Variants in CKMT1B observed in about 807,000 individuals in gnomAD.
CKMT1B encodes the protein creatine kinase, mitochondrial 1B, also known as creatine kinase U-type, mitochondrial.
Under a neutral mutation model 21.8 loss-of-function variants are expected in CKMT1B, and 13 were observed. The ratio of observed to expected loss-of-function variants is 0.60; its 90% CI spans 0.39 to 0.95. The LOEUF (loss-of-function observed/expected upper bound fraction) is 0.95, where lower values mean the gene tolerates loss of function less well. CKMT1B is among the 40% of genes least tolerant of loss of function. The pLI is 0.00. For missense variants in CKMT1B, 157 were observed against 227.5 expected (o/e 0.69, Z 1.99); for synonymous variants, 50 against 80.3 (o/e 0.62, Z 2.02).
chr15:43,599,198 G>C lies in CKMT1B; in HGVS notation c.1179G>C (p.Leu393Phe), dbSNP rs777091706. Residue 393 changes from leucine (L) to phenylalanine (F), a missense_variant, in exon 9 of 9, where the codon TTG (leucine) becomes TTC (phenylalanine). Leu to Phe is a conservative substitution (Grantham distance 22). Transcript: ENST00000441322. Reference protein sequence around the residue: ...VQLVIDGVNYLIDCERRLERG... With the variant: ...VQLVIDGVNYFIDCERRLERG... The stretch of plus-strand genomic sequence containing the variant: ...TGGTCATCGATGGAGTAAACTATTT[G>C]ATTGATTGTGAACGGCGTCTGGAGA... The C allele has an allele frequency of 3.7e-6, 6 of 1,613,650 alleles. No individual in the cohort carries two copies. In the Admixed American group the frequency reaches 8.3e-5, roughly 22 times the overall value.
In CKMT1B at chr15:43,599,380, C is replaced by G. The variant is rs1475790660; in HGVS notation, c.*107C>G. The stretch of plus-strand genomic sequence containing the variant: ...TGCCCCCGCATCCCCTGCCTCCATC[C>G]TAGTAAAGACTCCTTGCTATGCTGC... On this transcript the variant is annotated 3_prime_UTR_variant, in exon 9 of 9. Transcript: ENST00000441322. 62 of 1,554,814 alleles carry G rather than the reference C, an allele frequency of 4.0e-5. 1 individual carries two copies. Among genetic ancestry groups the G allele is most frequent in the Non-Finnish European group, 4.9e-5 (56 of 1,138,802 alleles).
intron 6 of CKMT1B, 128 bp downstream of exon 6, chr15:43,596,659 C>T (rs1368101743): frequency 4.1e-6 from 6 of 1,457,670 alleles, no homozygotes; most frequent in African/African-American, 1.5e-5. Flanking sequence ...CTATCTAGGA[C>T]TCACTCCAGG....
At chr15:43,596,706 A>G in intron 6 of CKMT1B, 175 bp downstream of exon 6, 1 of 960,652 alleles carries the variant, frequency 1.0e-6, no homozygotes, top group East Asian at 2.8e-5. Context: ...ATACTGGGAA[A>G]ACCAGGACAT....
chr15:43,597,845 T>A, intron 6 of CKMT1B: 1 of 1,170,678 alleles, frequency 8.5e-7, no homozygotes. Flanking sequence ...AAAGCAAAGA[T>A]AATCGATGCA....
chr15:43,599,177 C>G lies in CKMT1B; in HGVS notation c.1158C>G (p.Val386=), dbSNP rs745349899. ...GKSEVELVQL[V]IDGVNYLIDC... Reference sequence around the variant, plus strand: ...CTTAGGTGGAGCTGGTGCAACTGGTCATCGATGGAGTAAACTATTTGATTG... The same window carrying G: ...CTTAGGTGGAGCTGGTGCAACTGGTGATCGATGGAGTAAACTATTTGATTG... The change falls in exon 9 of 9, where the codon GTC becomes GTG. Residue 386 remains valine (V), a synonymous_variant. Coordinates refer to ENST00000441322, the MANE Select transcript of CKMT1B (RefSeq NM_001375484.1). 1 of 1,613,564 alleles carries G rather than the reference C, an allele frequency of 6.2e-7. No homozygotes were observed. Among genetic ancestry groups the G allele is most frequent in the East Asian group, 2.2e-5 (1 of 44,874 alleles).
intron 8 of CKMT1B, 98 bp downstream of exon 8, chr15:43,599,050 G>T: frequency 6.3e-7 from 1 of 1,587,928 alleles, no homozygotes; most frequent in Non-Finnish European, 8.6e-7. Context: ...AATCTGAAAT[G>T]AAATTCAGGT....
rs113292887 is a variant in CKMT1B, at chr15:43,596,679, G to A, written c.876+148G>A. On this transcript the variant is annotated intron_variant, in intron 6 of 8. Transcript: ENST00000441322. ...TAGGACTCACTCCAGGACTAAAGGT[G>A]TAAACCAGCTGGGACCATACTGGGA... 6.8e-4 allele frequency: 865 copies of A among 1,273,886 alleles called. 70 individuals carry two copies. In the African/African-American group the frequency reaches 9.9e-3, roughly 15 times the overall value. The allele number at this position is 1,273,886 out of a possible 1,614,324, so 78.9% of individuals were successfully genotyped here.
At chr15:43,597,881 A>T in intron 6 of CKMT1B, 2 of 1,273,738 alleles carry the variant, frequency 1.6e-6, no homozygotes, top group African/African-American at 1.6e-5. Flanking sequence ...ATAATCAGTC[A>T]TCTCTCAGTT....
rs376921959 is a variant in CKMT1B at position 43,598,289 on chromosome 15, C to T, written c.973C>T (p.Arg325Trp). The change falls in exon 7 of 9, where the codon CGG (arginine) becomes TGG (tryptophan). Residue 325 changes from arginine (R) to tryptophan (W), a missense_variant. Transcript: ENST00000441322. ...TCCATCTAACCTGGGCACTGGACTT[C>T]GGGCAGGAGTGCACATCAAACTGCC... is the stretch of plus-strand genomic sequence containing the variant. ...TCPSNLGTGL[R>W]AGVHIKLPLL... 11 of 1,607,018 alleles carry T rather than the reference C, an allele frequency of 6.8e-6. No individual in the cohort carries two copies. The East Asian group carries it at 9.2e-5, about 13-fold the overall frequency.
Position 43,596,084 on chromosome 15 carries a change from G to A in CKMT1B, c.666+7G>A. The stretch of plus-strand genomic sequence containing the variant: ...ACAGCAGCAGCTTATTGATGTGAGG[G>A]CCTTAAGAGGGTGCTGGTTGGTGGG... On this transcript the variant is annotated splice_region_variant and intron_variant, in intron 4 of 8. Transcript: ENST00000441322. 1 of 268,600 alleles carries A rather than the reference G, an allele frequency of 3.7e-6. No individual in the cohort carries two copies. The highest frequency in any genetic ancestry group is 6.3e-6 in the Non-Finnish European group (1 of 158,886). 16.6% of individuals were successfully genotyped at this position (268,600 alleles called of 1,614,324 possible).
chr15:43,596,700 TG>T, intron 6 of CKMT1B, 169 bp downstream of exon 6: 1 of 1,036,588 alleles, frequency 9.6e-7, no homozygotes, highest in South Asian at 1.7e-5. Context: ...GGGACCATAC[TG>T]GGAAAACCAG....
At position 43,596,304 on chromosome 15, in the gene CKMT1B, C is replaced by T. The variant is rs759618789; in HGVS notation, c.752+12C>T. On this transcript the variant is annotated intron_variant, in intron 5 of 8. Transcript: ENST00000441322. ...GCTCGTGGAATTTGGTATGAAGCTG[C>T]TCATTACCTCTTTTGTCTTCATGCC... The T allele has an allele frequency of 8.4e-5, 78 of 927,442 alleles. No individual in the cohort carries two copies. Among genetic ancestry groups the T allele is most frequent in the Non-Finnish European group, 1.1e-4 (73 of 640,466 alleles). The allele number at this position is 927,442 out of a possible 1,614,324, so 57.5% of individuals were successfully genotyped here.
In CKMT1B at chr15:43,596,278, T is replaced by C; in HGVS notation, c.738T>C (p.Asp246=). The C allele has an allele frequency of 1.4e-6, 1 of 723,460 alleles. No homozygotes were observed. The highest frequency in any genetic ancestry group is 2.1e-6 in the Non-Finnish European group (1 of 475,194). The allele number at this position is 723,460 out of a possible 1,614,324, so 44.8% of individuals were successfully genotyped here. A position where few individuals can be genotyped will look rare whatever the true frequency, so the allele number is the denominator to read the frequency against. The change falls in exon 5 of 9, where the codon GAT becomes GAC. Residue 246 remains aspartate (D), a synonymous_variant. Transcript: ENST00000441322. ...CAGGAATGGCTCGAGACTGGCCAGATGCTCGTGGAATTTGGTATGAAGCTG... is the reference window on the plus strand; with the variant it reads ...CAGGAATGGCTCGAGACTGGCCAGACGCTCGTGGAATTTGGTATGAAGCTG... ...TAAGMARDWP[D]ARGIWHNNEK...
At chr15:43,597,547 C>T in intron 6 of CKMT1B, 1 of 1,130,600 alleles carries the variant, frequency 8.8e-7, no homozygotes, top group Non-Finnish European at 1.1e-6. Flanking sequence ...AAAGAGGATC[C>T]CTTTACTCAT....
Position 43,597,535 on chromosome 15 carries a change from A to T in CKMT1B, c.877-658A>T, listed in dbSNP as rs763906396. On this transcript the variant is annotated intron_variant, in intron 6 of 8. Coordinates refer to ENST00000441322, the MANE Select transcript of CKMT1B (RefSeq NM_001375484.1). ...CCTATGGCATGGTTCCTTCTGAACTATAAAGAGGATCCCTTTACTCATGTT... is the reference window on the plus strand; with the variant it reads ...CCTATGGCATGGTTCCTTCTGAACTTTAAAGAGGATCCCTTTACTCATGTT... 8.0e-5 allele frequency: 94 copies of T among 1,171,764 alleles called. 1 individual carries two copies. Among genetic ancestry groups the T allele is most frequent in the Non-Finnish European group, 6.4e-5 (58 of 912,590 alleles). The allele number at this position is 1,171,764 out of a possible 1,614,324, so 72.6% of individuals were successfully genotyped here. A position where few individuals can be genotyped will look rare whatever the true frequency, so the allele number is the denominator to read the frequency against.
In CKMT1B at chr15:43,598,219, C is replaced by G. The variant is rs1316722166; in HGVS notation, c.903C>G (p.Gly301=). The G allele has an allele frequency of 6.2e-7, 1 of 1,608,242 alleles. No individual in the cohort carries two copies. Among genetic ancestry groups the G allele is most frequent in the East Asian group, 2.3e-5 (1 of 43,562 alleles). Residue 301 remains glycine, a synonymous_variant, in exon 7 of 9, where the codon GGC becomes GGG. Transcript: ENST00000441322. ...KEVERLIQER[G]WEFMWNERLG... ...TGGAGAGACTTATCCAAGAACGTGG[C>G]TGGGAGTTCATGTGGAATGAGCGTT...
chr15:43,598,929 T>G lies in CKMT1B; in HGVS notation c.1114T>G (p.Leu372Val). ...ATGGVFDISNLDRLGKSEVEL... is the reference protein window; with the variant it reads ...ATGGVFDISNVDRLGKSEVEL... ...AGGCGGTGTCTTTGATATTTCTAAT[T>G]TGGACCGACTAGGCAAATCAGAGGT... The change falls in exon 8 of 9, where the codon TTG becomes GTG. Residue 372 changes from leucine (L) to valine (V), a missense_variant. Transcript: ENST00000441322. The G allele has an allele frequency of 6.2e-7, 1 of 1,610,608 alleles. No individual in the cohort carries two copies. Among genetic ancestry groups the G allele is most frequent in the South Asian group, 1.1e-5 (1 of 90,968 alleles).
intron 8 of CKMT1B, 24 bp downstream of exon 8, chr15:43,598,976 A>C (rs116526496): frequency 6.3e-7 from 1 of 1,594,566 alleles, no homozygotes; most frequent in Non-Finnish European, 8.5e-7. Context: ...GGATTAGGAC[A>C]AGGAGAGGTA....
intron 7 of CKMT1B, 50 bp from the exon 8 acceptor site, chr15:43,598,777 C>T (rs1253745608): frequency 6.4e-7 from 1 of 1,559,718 alleles, no homozygotes; most frequent in Non-Finnish European, 8.6e-7. Context: ...TCAGGTAGGA[C>T]TAGTCTCTGC....
Sources: allele counts gnomAD v4.1 joint callset, GRCh38; gene constraint gnomAD v4.1.1; transcripts MANE v1.5; gene names NCBI Gene and HGNC (gene_info 2026-07-23, HGNC 2026-07-21).